The following BCL2 variants were observed in gnomAD, a reference collection of about 807,000 sequenced individuals.
BCL2 encodes apoptosis regulator Bcl-2.
BCL2 carries 1 observed loss-of-function variant against 14.2 expected under a neutral mutation model. The ratio of observed to expected loss-of-function variants is 0.07; its 90% confidence interval spans 0.02 to 0.33. The LOEUF is 0.33. Among genes scored for constraint, BCL2 ranks in the 10% least tolerant of loss-of-function variants. BCL2 has a pLI of 0.99. For synonymous variants in BCL2, 151 were observed against 137.2 expected (o/e 1.10, Z -0.70); for missense variants, 247 against 305.9 (o/e 0.81, Z 1.44).
At chr18:63,168,529 A>AG (rs1297991551) in intron 2 of BCL2, among the ~76,000 whole-genome samples, 3 of 152,184 alleles carry the variant, frequency 2.0e-5, no homozygotes, top group Non-Finnish European at 2.9e-5. Flanking sequence ...CAGTTCTAAC[A>AG]CGGACTGATG....
At chr18:63,278,183 T>C (rs1254574060) in intron 2 of BCL2, among the ~76,000 whole-genome samples, 1 of 152,218 alleles carries the variant, frequency 6.6e-6, no homozygotes, top group Non-Finnish European at 1.5e-5. Context: ...GAAGAAATAC[T>C]ATTCAAATCA....
At chr18:63,217,958 T>G (rs1177749203) in intron 2 of BCL2, among the ~76,000 whole-genome samples, 1 of 152,034 alleles carries the variant, frequency 6.6e-6, no homozygotes, top group Non-Finnish European at 1.5e-5. Context: ...TGTCACAGAG[T>G]TGAGTTCAGA....
At chr18:63,297,802 C>T (rs921986248) in intron 2 of BCL2, among the ~76,000 whole-genome samples, 5 of 152,170 alleles carry the variant, frequency 3.3e-5, no homozygotes, top group Non-Finnish European at 7.3e-5. Flanking sequence ...GTGGCATCGG[C>T]TGATGGGGTG....
In BCL2 at chr18:63,319,424, G is replaced by GAA; in HGVS notation, c.-539_-538dup. The GAA allele has an allele frequency of 1.9e-5, 4 of 211,798 alleles. No individual in the cohort carries two copies. Among genetic ancestry groups the GAA allele is most frequent in the East Asian group, 7.1e-5 (1 of 14,108 alleles). 13.1% of individuals were successfully genotyped at this position (211,798 alleles called of 1,614,324 possible). On this transcript the variant is annotated 5_prime_UTR_variant, in exon 1 of 3. Transcript: ENST00000333681. ...CCAACCGGAGATCTCAAGAGCTCGA[G>GAA]AAAAAAAAAAGGCAGCGGCGGCGGC... is the stretch of plus-strand genomic sequence containing the variant.
At chr18:63,234,250 C>G (rs1910762206) in intron 2 of BCL2, among the ~76,000 whole-genome samples, 1 of 152,140 alleles carries the variant, frequency 6.6e-6, no homozygotes, top group African/African-American at 2.4e-5. Flanking sequence ...CCTCCTGCCC[C>G]CTCCAATAGG....
At chr18:63,146,019 C>T (rs1914502030) in intron 2 of BCL2, among the ~76,000 whole-genome samples, 1 of 152,170 alleles carries the variant, frequency 6.6e-6, no homozygotes, top group Non-Finnish European at 1.5e-5. Flanking sequence ...CGTCCTATCT[C>T]CCAAATCCCT....
intron 2 of BCL2, among the ~76,000 whole-genome samples, chr18:63,207,370 A>G (rs183028869): frequency 1.3e-5 from 2 of 152,378 alleles, no homozygotes; most frequent in African/African-American, 2.4e-5. Flanking sequence ...TGTTGAAGGA[A>G]GTTGAAATGT....
At chr18:63,176,045 A>C (rs1038510944) in intron 2 of BCL2, among the ~76,000 whole-genome samples, 1 of 152,214 alleles carries the variant, frequency 6.6e-6, no homozygotes, top group African/African-American at 2.4e-5. Flanking sequence ...AAATGATCTC[A>C]GCTTGAACTC....
At chr18:63,156,450 A>T (rs1288374829) in intron 2 of BCL2, among the ~76,000 whole-genome samples, 1 of 151,972 alleles carries the variant, frequency 6.6e-6, no homozygotes, top group African/African-American at 2.4e-5. Flanking sequence ...TAGTGTGAAA[A>T]CCCGAAATGT....
chr18:63,163,158 C>T (rs904254154), intron 2 of BCL2, among the ~76,000 whole-genome samples: 1 of 152,110 alleles, frequency 6.6e-6, no homozygotes, highest in African/African-American at 2.4e-5. Context: ...CCTTCCTTAC[C>T]ACTGTCTGTA....
chr18:63,304,430 G>A (rs1913060131), intron 2 of BCL2, among the ~76,000 whole-genome samples: 1 of 151,934 alleles, frequency 6.6e-6, no homozygotes, highest in African/African-American at 2.4e-5. Flanking sequence ...AAATATTTTT[G>A]GTCACCTAAA....
At chr18:63,225,975 G>A (rs917161198) in intron 2 of BCL2, among the ~76,000 whole-genome samples, 13 of 152,142 alleles carry the variant, frequency 8.5e-5, no homozygotes, top group African/African-American at 1.7e-4. Context: ...CTTGTCCGGC[G>A]TCCAGGAGAA....
chr18:63,257,454 T>C (rs559806930), intron 2 of BCL2, among the ~76,000 whole-genome samples: 4 of 152,358 alleles, frequency 2.6e-5, no homozygotes, highest in African/African-American at 9.6e-5. Context: ...GTATAAAGTA[T>C]TTTAATTAAA....
At position 63,318,764 on chromosome 18, in the gene BCL2, T is replaced by C; in HGVS notation, c.-98A>G. ...AAGAAGAGGAGTTATAATCCAGCTA[T>C]TTTATTGGATGTGCTTTGCATTCTT... On this transcript the variant is annotated 5_prime_UTR_variant, in exon 2 of 3. Coordinates refer to ENST00000333681, the MANE Select transcript of BCL2 (RefSeq NM_000633.3). The surrounding 1 kb of genome is among the most constrained non-coding windows in gnomAD (Gnocchi z 7.4). 6.5e-7 allele frequency: 1 copy of C among 1,542,286 alleles called. No individual in the cohort carries two copies. The highest frequency in any genetic ancestry group is 1.2e-5 in the South Asian group (1 of 82,314).
intron 2 of BCL2, among the ~76,000 whole-genome samples, chr18:63,233,839 T>C (rs1910750500): frequency 6.6e-6 from 1 of 152,148 alleles, no homozygotes; most frequent in Non-Finnish European, 1.5e-5. Flanking sequence ...AAGAATGCTG[T>C]CAGTTTGGGG....
rs185679271 is a variant in BCL2 at position 63,271,396 on chromosome 18, T to C, written c.585+46686A>G. On this transcript the variant is annotated intron_variant, in intron 2 of 2. Coordinates refer to ENST00000333681, the MANE Select transcript of BCL2 (RefSeq NM_000633.3). ...CGAGTAACATTGTGTAAAGAGCAGT[T>C]TGCAGTGGAAATGAACAGATGGCAA... Among the ~76,000 whole-genome samples, 24 of 152,290 alleles carry C rather than the reference T, an allele frequency of 1.6e-4. 1 individual carries two copies. Among genetic ancestry groups the C allele is most frequent in the Admixed American group, 3.3e-4 (5 of 15,300 alleles).
intron 2 of BCL2, among the ~76,000 whole-genome samples, chr18:63,199,813 T>C (rs1909637963): frequency 6.6e-6 from 1 of 152,172 alleles, no homozygotes; most frequent in Middle Eastern, 3.2e-3. Context: ...TTCTGTGCTG[T>C]GAGTGGCATA....
Position 63,124,815 on chromosome 18 carries a change from A to G in BCL2, c.*3810T>C. On this transcript the variant is annotated 3_prime_UTR_variant, in exon 3 of 3. Transcript: ENST00000333681. ...AGAATAGAATTTCAACTGACTCCCT[A>G]ATTTCCTTAGAATGGCTTGTATTTC... is the stretch of plus-strand genomic sequence containing the variant. The G allele has an allele frequency of 4.4e-6, 1 of 229,250 alleles. No individual in the cohort carries two copies. Among genetic ancestry groups the G allele is most frequent in the East Asian group, 6.2e-5 (1 of 16,030 alleles). The allele number at this position is 229,250 out of a possible 1,614,324, so 14.2% of individuals were successfully genotyped here. A position where few individuals can be genotyped will look rare whatever the true frequency, so the allele number is the denominator to read the frequency against.
intron 2 of BCL2, among the ~76,000 whole-genome samples, chr18:63,230,376 GA>G (rs1234200038): frequency 6.6e-6 from 1 of 151,980 alleles, no homozygotes; most frequent in African/African-American, 2.4e-5. Context: ...TAGTAAACAA[GA>G]AAAATTTTAA....
Sources: allele counts gnomAD v4.1 joint callset (sites outside exome capture counted in the v4.1 genomes callset), GRCh38; gene constraint gnomAD v4.1.1; non-coding constraint Gnocchi (gnomAD v3.1); transcripts MANE v1.5; gene names NCBI Gene and HGNC (gene_info 2026-07-23, HGNC 2026-07-21).